ZNF560: variants seen among roughly 807,000 people sequenced by gnomAD.
ZNF560 encodes the protein zinc finger protein 560.
Under a neutral mutation model 81.8 loss-of-function variants are expected in ZNF560, and 54 were observed. The ratio of observed to expected loss-of-function variants is 0.66; its 90% CI spans 0.53 to 0.83. The LOEUF is 0.83. Ranked by LOEUF, ZNF560 falls within the 40% of genes least tolerant of loss-of-function variation. The pLI, the probability that ZNF560 is intolerant of heterozygous loss-of-function variation, is 0.00. For missense variants in ZNF560, 940 were observed against 932.4 expected, an observed-to-expected ratio of 1.01 and a Z score of -0.11; for synonymous variants, 321 against 317.9, an observed-to-expected ratio of 1.01 and a Z score of -0.10.
the ZNF560 span, among the ~76,000 whole-genome samples, chr19:9,455,557 C>G: frequency 6.6e-6 from 1 of 152,158 alleles, no homozygotes; most frequent in South Asian, 2.1e-4. Context: ...AAAATCTCTT[C>G]AGGTGGAGAA....
downstream of ZNF560, among the ~76,000 whole-genome samples, chr19:9,463,638 A>G (rs904492464): frequency 2.0e-5 from 3 of 152,218 alleles, no homozygotes; most frequent in East Asian, 1.9e-4. Context: ...TTTCCTCTCC[A>G]TAAGAAAACA....
At chr19:9,461,989 G>A (rs1473641849), downstream of ZNF560, among the ~76,000 whole-genome samples, 4 of 152,196 alleles carry the variant, frequency 2.6e-5, no homozygotes, top group Admixed American at 2.6e-4. Context: ...TTCTATGATG[G>A]TTGTGCTATT....
Position 9,474,337 on chromosome 19 carries a change from C to T in ZNF560, c.31-12G>A. 1.9e-6 allele frequency: 3 copies of T among 1,602,096 alleles called. No individual in the cohort carries two copies. The highest frequency in any genetic ancestry group is 1.1e-5 in the South Asian group (1 of 89,126). On this transcript the variant is annotated splice_polypyrimidine_tract_variant and intron_variant, in intron 3 of 9. Transcript: ENST00000301480. ...AAGGTCACGGAGTACTAAACCATCA[C>T]ATACATGTTGATTTGAGCCAAGTAA... is the stretch of plus-strand genomic sequence containing the variant.
intron 3 of ZNF560, among the ~76,000 whole-genome samples, chr19:9,474,684 GGTCTTGCTCT>G (rs1335859147): frequency 5.3e-5 from 8 of 152,038 alleles, no homozygotes; most frequent in Non-Finnish European, 1.0e-4. Flanking sequence ...TGGGAAGCAG[GGTCTTGCTCT>G]GTCACGTAGG....
chr19:9,454,279 C>T, the ZNF560 span, among the ~76,000 whole-genome samples: 3 of 152,236 alleles, frequency 2.0e-5, no homozygotes, highest in Admixed American at 6.5e-5. Flanking sequence ...AGACCGTCAG[C>T]TCTGAAGGTC....
At chr19:9,482,378 CA>C (rs1311145282) in intron 2 of ZNF560, among the ~76,000 whole-genome samples, 1 of 144,388 alleles carries the variant, frequency 6.9e-6, no homozygotes, top group African/African-American at 2.6e-5. Flanking sequence ...ATATATGTAA[CA>C]AACCTGCACA....
rs959077787 is a variant in ZNF560, at chr19:9,484,843, G to T, written c.-56-9474C>A. Among the ~76,000 whole-genome samples the T allele has an allele frequency of 6.5e-5, 9 of 139,270 alleles. 1 individual carries two copies. In the East Asian group the frequency reaches 1.2e-3, roughly 19 times the overall value. 91.4% of individuals were successfully genotyped at this position (139,270 alleles called of 152,430 possible). ...TTAAGCCTTTAAAAAATAAAAAAAA[G>T]AAAAAAAAAGAAAAGAAAAAATTAA... On this transcript the variant is annotated intron_variant, in intron 2 of 9. Coordinates refer to ENST00000301480, the MANE Select transcript of ZNF560 (RefSeq NM_152476.3).
upstream of ZNF560, among the ~76,000 whole-genome samples, chr19:9,500,280 G>A (rs2073622006): frequency 6.6e-6 from 1 of 151,590 alleles, no homozygotes; most frequent in Non-Finnish European, 1.5e-5. Flanking sequence ...AGCTACTCGG[G>A]AGGCTGAGGC....
At chr19:9,460,476 C>T in the ZNF560 span, among the ~76,000 whole-genome samples, 1 of 152,184 alleles carries the variant, frequency 6.6e-6, no homozygotes, top group Non-Finnish European at 1.5e-5. Flanking sequence ...TGGCTGGACC[C>T]CCCAGTGGAG....
At chr19:9,453,752 T>C in the ZNF560 span, among the ~76,000 whole-genome samples, 64,535 of 152,058 alleles carry the variant, frequency 0.42, 15,638 homozygotes, top group Non-Finnish European at 0.55. Flanking sequence ...CCCATAACAA[T>C]GGCAACAAAT....
upstream of ZNF560, among the ~76,000 whole-genome samples, chr19:9,503,567 C>G (rs1204068208): frequency 6.6e-6 from 1 of 152,152 alleles, no homozygotes; most frequent in East Asian, 1.9e-4. Context: ...AAGGATCTTG[C>G]TCTCTTGGGC....
intron 2 of ZNF560, among the ~76,000 whole-genome samples, chr19:9,486,979 A>ATTACTTCTC (rs550758565): frequency 1.6e-3 from 246 of 152,188 alleles, no homozygotes; most frequent in African/African-American, 5.7e-3. Context: ...TGGAAATGTT[A>ATTACTTCTC]TTACTTCTCT....
intron 4 of ZNF560, 147 bp from the exon 5 acceptor site, chr19:9,473,406 C>G: frequency 1.8e-6 from 1 of 565,792 alleles, no homozygotes; most frequent in South Asian, 2.1e-5. Flanking sequence ...GTGAAACCCC[C>G]GTCTCTACTA....
chr19:9,492,321 C>A (rs2073486393), intron 2 of ZNF560, among the ~76,000 whole-genome samples: 1 of 152,132 alleles, frequency 6.6e-6, no homozygotes. Context: ...GACTAAGATT[C>A]ATCTTCACTG....
At chr19:9,457,995 T>C in the ZNF560 span, among the ~76,000 whole-genome samples, 1 of 152,340 alleles carries the variant, frequency 6.6e-6, no homozygotes, top group South Asian at 2.1e-4. Flanking sequence ...AGCATTCACC[T>C]ACTGGTGTTA....
chr19:9,499,895 G>C (rs531202234), upstream of ZNF560, among the ~76,000 whole-genome samples: 4 of 152,216 alleles, frequency 2.6e-5, no homozygotes, highest in Non-Finnish European at 5.9e-5. Context: ...CTGGTGTATA[G>C]ATACAAAACT....
At chr19:9,504,904 G>A in the ZNF560 span, among the ~76,000 whole-genome samples, 1 of 152,160 alleles carries the variant, frequency 6.6e-6, no homozygotes, top group Non-Finnish European at 1.5e-5. Flanking sequence ...GGCCAACATA[G>A]TGAAAGCCCA....
At chr19:9,469,765 C>G in intron 7 of ZNF560, 55 bp from the exon 8 acceptor site, 1 of 1,487,972 alleles carries the variant, frequency 6.7e-7, no homozygotes, top group Non-Finnish European at 9.4e-7. Context: ...AAATGGCAAA[C>G]TTTTCCATGA....
the ZNF560 span, among the ~76,000 whole-genome samples, chr19:9,453,858 A>G: frequency 1.3e-5 from 2 of 152,348 alleles, no homozygotes; most frequent in East Asian, 1.9e-4. Flanking sequence ...AAATACTCCA[A>G]CCTTCATACA....
Sources: allele counts gnomAD v4.1 joint callset (sites outside exome capture counted in the v4.1 genomes callset), GRCh38; gene constraint gnomAD v4.1.1; transcripts MANE v1.5; gene names NCBI Gene and HGNC (gene_info 2026-07-23, HGNC 2026-07-21).